The following ZNF532 variants were observed in gnomAD, a reference collection of about 807,000 sequenced individuals.
ZNF532 encodes zinc finger protein 532.
ZNF532 carries 22 observed loss-of-function variants against 89.3 expected under a neutral mutation model. The observed-to-expected ratio is 0.25, with a 90% confidence interval of 0.18 to 0.35. ZNF532 has a LOEUF of 0.35. Ranked by LOEUF, ZNF532 falls within the 10% of genes least tolerant of loss-of-function variation. The probability of loss-of-function intolerance (pLI) is 1.00; values close to 1 mark genes in which losing one functional copy is unlikely to be tolerated. For synonymous variants in ZNF532, 606 were observed against 649.6 expected (o/e 0.93, Z 1.02); for missense variants, 1,132 against 1,643.4 (o/e 0.69, Z 5.38).
intron 3 of ZNF532, among the ~76,000 whole-genome samples, chr18:58,921,200 A>G (rs1224186527): frequency 2.0e-5 from 3 of 151,990 alleles, no homozygotes; most frequent in South Asian, 2.1e-4. Flanking sequence ...GGAACTTTAG[A>G]TTTTGGTAAT....
chr18:58,969,854 T>C (rs989813856), intron 7 of ZNF532, among the ~76,000 whole-genome samples: 9 of 151,736 alleles, frequency 5.9e-5, no homozygotes, highest in Non-Finnish European at 1.2e-4. Flanking sequence ...TAATTTTTAT[T>C]ATGTAGCAAT....
chr18:58,916,954 G>A (rs1038773169), intron 2 of ZNF532, among the ~76,000 whole-genome samples: 9 of 152,178 alleles, frequency 5.9e-5, no homozygotes, highest in South Asian at 2.1e-4. Context: ...AAGCAGATTC[G>A]AAGGAAGGAT....
At chr18:58,911,549 C>G (rs1179211069) in intron 2 of ZNF532, among the ~76,000 whole-genome samples, 1 of 151,908 alleles carries the variant, frequency 6.6e-6, no homozygotes, top group Non-Finnish European at 1.5e-5. Flanking sequence ...GAGCAAGACC[C>G]CATTTCTACA....
chr18:58,942,750 C>T (rs959163275), intron 5 of ZNF532, among the ~76,000 whole-genome samples: 7 of 152,178 alleles, frequency 4.6e-5, no homozygotes, highest in Non-Finnish European at 8.8e-5. Context: ...TTAAATCCAT[C>T]TCTATTCTGT....
intron 3 of ZNF532, 103 bp downstream of exon 3, chr18:58,920,736 GTGTGT>G: frequency 3.1e-3 from 4 of 1,292 alleles, no homozygotes; most frequent in East Asian, 0.05. Flanking sequence ...TGAAATGGAC[GTGTGT>G]GTGTGTGTGT....
intron 3 of ZNF532, among the ~76,000 whole-genome samples, chr18:58,923,137 C>T (rs985113560): frequency 6.6e-6 from 1 of 152,054 alleles, no homozygotes; most frequent in South Asian, 2.1e-4. Flanking sequence ...AAGCAAAACA[C>T]TCACCTCCTG....
intron 2 of ZNF532, among the ~76,000 whole-genome samples, chr18:58,906,989 T>A (rs1400752566): frequency 6.6e-6 from 1 of 152,176 alleles, no homozygotes; most frequent in East Asian, 1.9e-4. Flanking sequence ...AGTTTTGCAT[T>A]TCTGTATAAT....
At chr18:58,949,935 T>C (rs1391533695) in intron 6 of ZNF532, among the ~76,000 whole-genome samples, 3 of 152,244 alleles carry the variant, frequency 2.0e-5, no homozygotes, top group African/African-American at 7.2e-5. Flanking sequence ...CATTTCATCA[T>C]TCTCATTTGA....
intron 2 of ZNF532, among the ~76,000 whole-genome samples, chr18:58,878,726 A>G (rs1161165729): frequency 6.6e-6 from 1 of 152,238 alleles, no homozygotes; most frequent in African/African-American, 2.4e-5. Flanking sequence ...TAGAGTTTGC[A>G]TGATTTGTAG....
At chr18:58,982,000 C>A (rs1473310335) in intron 9 of ZNF532, among the ~76,000 whole-genome samples, 1 of 91,008 alleles carries the variant, frequency 1.1e-5, no homozygotes. Context: ...CGAGACTCTC[C>A]CAAAAAAAAA....
At chr18:58,875,758 A>G (rs959468861) in intron 2 of ZNF532, among the ~76,000 whole-genome samples, 1 of 152,130 alleles carries the variant, frequency 6.6e-6, no homozygotes, top group African/African-American at 2.4e-5. Context: ...GATCGACCCT[A>G]GATTTGAACC....
rs2058908426 is a variant in ZNF532, at chr18:58,891,591, T to C, written c.-18+26012T>C. The stretch of plus-strand genomic sequence containing the variant: ...GAACATTTAAAAAAATCAGGTAAAA[T>C]GGATCATGCTTTGTAAGTGTGATTA... On this transcript the variant is annotated intron_variant, in intron 2 of 9. Transcript: ENST00000591808. Among the ~76,000 whole-genome samples the C allele has an allele frequency of 1.3e-5, 2 of 152,186 alleles. 1 individual carries two copies. Among genetic ancestry groups the C allele is most frequent in the Admixed American group, 1.3e-4 (2 of 15,274 alleles).
intron 2 of ZNF532, among the ~76,000 whole-genome samples, chr18:58,913,323 G>A (rs1396683359): frequency 6.6e-6 from 1 of 152,266 alleles, no homozygotes; most frequent in Middle Eastern, 3.4e-3. Flanking sequence ...GGGGATGCTA[G>A]CTAGATTCAT....
intron 2 of ZNF532, among the ~76,000 whole-genome samples, chr18:58,874,994 G>A (rs1412817114): frequency 1.3e-5 from 2 of 151,964 alleles, no homozygotes; most frequent in African/African-American, 4.8e-5. Context: ...TATGACTACT[G>A]AGCACTTGAA....
At chr18:58,899,258 A>G (rs1602816030) in intron 2 of ZNF532, among the ~76,000 whole-genome samples, 1 of 152,222 alleles carries the variant, frequency 6.6e-6, no homozygotes, top group East Asian at 1.9e-4. Context: ...AAAAAATACA[A>G]GATGCTCAGA....
intron 5 of ZNF532, among the ~76,000 whole-genome samples, chr18:58,944,399 G>T (rs1429677543): frequency 1.3e-5 from 2 of 151,194 alleles, no homozygotes; most frequent in African/African-American, 4.9e-5. Flanking sequence ...TGGCTTTGTT[G>T]TGGTGTAGTC....
intron 2 of ZNF532, among the ~76,000 whole-genome samples, chr18:58,894,459 C>A (rs1290006219): frequency 1.5e-5 from 2 of 137,176 alleles, no homozygotes; most frequent in African/African-American, 5.6e-5. Context: ...AACAGCGAGA[C>A]TCCATCTCAA....
chr18:58,927,238 A>T (rs1481846137), intron 3 of ZNF532, among the ~76,000 whole-genome samples: 1 of 152,216 alleles, frequency 6.6e-6, no homozygotes, highest in East Asian at 1.9e-4. Flanking sequence ...GACACCCACC[A>T]TCTGGGTAGG....
chr18:58,893,423 T>C (rs2059037181), intron 2 of ZNF532, among the ~76,000 whole-genome samples: 3 of 152,010 alleles, frequency 2.0e-5, no homozygotes, highest in Admixed American at 2.0e-4. Flanking sequence ...TCCCAGCACT[T>C]TGGGAGGCTG....
Sources: allele counts gnomAD v4.1 joint callset (sites outside exome capture counted in the v4.1 genomes callset), GRCh38; gene constraint gnomAD v4.1.1; transcripts MANE v1.5; gene names NCBI Gene and HGNC (gene_info 2026-07-23, HGNC 2026-07-21).